PRKG1: variants seen among roughly 807,000 people sequenced by gnomAD.
PRKG1 encodes protein kinase cGMP-dependent 1.
Under a neutral mutation model 88.1 loss-of-function variants are expected in PRKG1, and 35 were observed. That is an observed-to-expected ratio of 0.40 (90% CI 0.30 to 0.53). The LOEUF is 0.53. Ranked by LOEUF, PRKG1 falls within the 20% of genes least tolerant of loss-of-function variation. The probability of loss-of-function intolerance (pLI) is 0.59; values close to 1 mark genes in which losing one functional copy is unlikely to be tolerated. For synonymous variants in PRKG1, 303 were observed against 292.5 expected (o/e 1.04, Z -0.37); for missense variants, 540 against 839.8 (o/e 0.64, Z 4.41).
chr10:51,683,121 T>C (rs1840892548), intron 3 of PRKG1, among the ~76,000 whole-genome samples: 2 of 152,212 alleles, frequency 1.3e-5, no homozygotes, highest in Non-Finnish European at 2.9e-5. Flanking sequence ...TTTCTCTGCA[T>C]AAGCTAAACA....
intron 1 of PRKG1, among the ~76,000 whole-genome samples, chr10:51,138,789 TC>T (rs1845755621): frequency 6.9e-6 from 1 of 144,948 alleles, no homozygotes; most frequent in African/African-American, 2.5e-5. Flanking sequence ...TTCAAACGAT[TC>T]CCCTGCCTCA....
intron 2 of PRKG1, among the ~76,000 whole-genome samples, chr10:51,454,017 G>A (rs528798855): frequency 6.6e-6 from 1 of 152,026 alleles, no homozygotes; most frequent in South Asian, 2.1e-4. Context: ...AAAATAAAAT[G>A]CTTAGGAATA....
intron 6 of PRKG1, among the ~76,000 whole-genome samples, chr10:52,060,328 G>T (rs192413447): frequency 6.6e-6 from 1 of 151,828 alleles, no homozygotes; most frequent in Non-Finnish European, 1.5e-5. Flanking sequence ...ATTATCTTGG[G>T]ATAAGAAAGG....
intron 2 of PRKG1, among the ~76,000 whole-genome samples, chr10:51,414,454 G>T (rs1838184943): frequency 6.6e-6 from 1 of 152,168 alleles, no homozygotes; most frequent in African/African-American, 2.4e-5. Flanking sequence ...TGTCATCTGA[G>T]ACATTCTGAG....
chr10:52,081,569 T>C, intron 7 of PRKG1: 1 of 456,572 alleles, frequency 2.2e-6, no homozygotes, highest in Non-Finnish European at 4.4e-6. Context: ...ATTCATTCAA[T>C]ACTTACCATA....
chr10:51,806,852 T>G (rs1185112696), intron 4 of PRKG1, among the ~76,000 whole-genome samples: 1 of 152,144 alleles, frequency 6.6e-6, no homozygotes, highest in East Asian at 1.9e-4. Flanking sequence ...ACCCATGCCT[T>G]CCCTGTGCTT....
intron 2 of PRKG1, among the ~76,000 whole-genome samples, chr10:51,297,034 G>T (rs1840739199): frequency 6.6e-6 from 1 of 152,016 alleles, no homozygotes. Context: ...AGGACTGACT[G>T]GTCATAAAAG....
intron 9 of PRKG1, among the ~76,000 whole-genome samples, chr10:52,181,419 C>CTTTTTTT (rs761799361): frequency 1.8e-4 from 10 of 55,044 alleles, no homozygotes; most frequent in Non-Finnish European, 2.3e-4. Context: ...CACAGCTCTT[C>CTTTTTTT]TTTTTTTTTT....
intron 2 of PRKG1, among the ~76,000 whole-genome samples, chr10:51,219,652 G>T (rs1376587145): frequency 6.6e-6 from 1 of 151,876 alleles, no homozygotes; most frequent in African/African-American, 2.4e-5. Context: ...AGAGGTTGCA[G>T]TGAGCCAAGA....
intron 4 of PRKG1, among the ~76,000 whole-genome samples, chr10:51,904,555 T>G (rs972976947): frequency 1.3e-5 from 2 of 152,128 alleles, no homozygotes; most frequent in Non-Finnish European, 2.9e-5. Context: ...GTTTGCAGAA[T>G]ATAAATCTTA....
intron 2 of PRKG1, among the ~76,000 whole-genome samples, chr10:51,406,502 A>C (rs1248916170): frequency 6.6e-6 from 1 of 152,176 alleles, no homozygotes; most frequent in African/African-American, 2.4e-5. Context: ...TCCACTTAGG[A>C]AAAACCAGTT....
Position 52,042,935 on chromosome 10 carries a change from C to G in PRKG1, c.763-11549C>G, listed in dbSNP as rs191361868. 1.3e-3 allele frequency among the ~76,000 whole-genome samples: 191 copies of G among 152,092 alleles called. 1 individual carries two copies. The highest frequency in any genetic ancestry group is 6.8e-3 in the Middle Eastern group (2 of 294). ...GCTAAAGATCTAAATAGTCATTTCT[C>G]AAAGGAAGATTTAGAAATGGGTAAC... is the stretch of plus-strand genomic sequence containing the variant. On this transcript the variant is annotated intron_variant, in intron 5 of 17. Coordinates refer to ENST00000373980, the MANE Select transcript of PRKG1 (RefSeq NM_006258.4).
At chr10:51,358,944 GGT>G (rs1842423093) in intron 2 of PRKG1, among the ~76,000 whole-genome samples, 2 of 147,760 alleles carry the variant, frequency 1.4e-5, no homozygotes, top group South Asian at 4.3e-4. Flanking sequence ...TGGGGGGGGG[GGT>G]GTGGATTTTG....
At position 52,220,412 on chromosome 10, in the gene PRKG1, T is replaced by TA. The variant is rs1226158830; in HGVS notation, c.1077-31158_1077-31157insA. Reference sequence around the variant, plus strand: ...CTTCATATCTGCAGAGATGACATCTTTTATATATATATATATATGTAAGTT... The same window carrying TA: ...CTTCATATCTGCAGAGATGACATCTTATTATATATATATATATATGTAAGTT... On this transcript the variant is annotated intron_variant, in intron 9 of 17. Coordinates refer to ENST00000373980, the MANE Select transcript of PRKG1 (RefSeq NM_006258.4). 3.1e-3 allele frequency among the ~76,000 whole-genome samples: 452 copies of TA among 148,188 alleles called. 4 individuals are homozygous for TA. The highest frequency in any genetic ancestry group is 0.011 in the African/African-American group (434 of 38,792).
intron 5 of PRKG1, chr10:51,910,611 C>T (rs536268512): frequency 6.6e-6 from 1 of 152,150 alleles, no homozygotes; most frequent in South Asian, 2.1e-4. Flanking sequence ...ATATTAAGCC[C>T]TCTTGGACAC....
chr10:51,741,738 T>C (rs1448207458), intron 3 of PRKG1, among the ~76,000 whole-genome samples: 3 of 152,154 alleles, frequency 2.0e-5, no homozygotes, highest in African/African-American at 7.2e-5. Context: ...AATAATACCT[T>C]TATTATCCTA....
chr10:51,898,476 T>A (rs1841903829), intron 4 of PRKG1, among the ~76,000 whole-genome samples: 1 of 152,062 alleles, frequency 6.6e-6, no homozygotes, highest in African/African-American at 2.4e-5. Context: ...GGCTCATGAG[T>A]TACTCAATAA....
At chr10:52,036,476 T>C (rs1428028675) in intron 5 of PRKG1, among the ~76,000 whole-genome samples, 1 of 151,464 alleles carries the variant, frequency 6.6e-6, no homozygotes, top group Non-Finnish European at 1.5e-5. Flanking sequence ...GATAACAGGC[T>C]TTAATCTTTT....
chr10:52,072,518 G>C (rs930094998), intron 7 of PRKG1, among the ~76,000 whole-genome samples: 1 of 151,936 alleles, frequency 6.6e-6, no homozygotes, highest in Non-Finnish European at 1.5e-5. Context: ...TTTCCTACGG[G>C]GCAAGTCAAC....
Sources: allele counts gnomAD v4.1 joint callset (sites outside exome capture counted in the v4.1 genomes callset), GRCh38; gene constraint gnomAD v4.1.1; transcripts MANE v1.5; gene names NCBI Gene and HGNC (gene_info 2026-07-23, HGNC 2026-07-21).